Variants in SHANK2 observed in about 807,000 individuals in gnomAD.
The protein encoded by SHANK2 is SH3 and multiple ankyrin repeat domains 2.
In SHANK2, 43 loss-of-function variants were observed where a neutral mutation model predicts 133.7. The observed-to-expected ratio is 0.32, with a 90% CI of 0.25 to 0.41. SHANK2 has a LOEUF of 0.41. Among genes scored for constraint, SHANK2 ranks in the 10% least tolerant of loss-of-function variants. The probability of loss-of-function intolerance (pLI) is 1.00; values close to 1 mark genes in which losing one functional copy is unlikely to be tolerated. For synonymous variants in SHANK2, 1,017 were observed against 952.8 expected, an observed-to-expected ratio of 1.07 and a Z score of -1.24; for missense variants, 1,994 against 2,235.8, an observed-to-expected ratio of 0.89 and a Z score of 2.18.
intron 2 of SHANK2, among the ~76,000 whole-genome samples, chr11:71,190,214 C>T (rs1054523533): frequency 3.9e-5 from 6 of 152,246 alleles, no homozygotes; most frequent in Non-Finnish European, 8.8e-5. Context: ...TCCAAGCTGG[C>T]CTTGGACTAG....
intron 11 of SHANK2, among the ~76,000 whole-genome samples, chr11:70,838,627 G>T (rs1948858977): frequency 6.6e-6 from 1 of 152,060 alleles, no homozygotes; most frequent in African/African-American, 2.4e-5. Flanking sequence ...CTAACATGCT[G>T]GGACTCAATT....
chr11:70,855,515 T>C (rs1949155457), intron 11 of SHANK2, among the ~76,000 whole-genome samples: 3 of 152,238 alleles, frequency 2.0e-5, no homozygotes, highest in Admixed American at 2.0e-4. Context: ...CCCAATGTTA[T>C]AGCTCTGACC....
intron 3 of SHANK2, among the ~76,000 whole-genome samples, chr11:71,131,982 G>A (rs77316671): frequency 0.029 from 4,469 of 152,268 alleles, 201 homozygotes; most frequent in African/African-American, 0.098. Flanking sequence ...CCCCGAGGCC[G>A]AGCTAATGAG....
intron 15 of SHANK2, among the ~76,000 whole-genome samples, chr11:70,682,230 A>G (rs1945044978): frequency 6.6e-6 from 1 of 152,186 alleles, no homozygotes; most frequent in Admixed American, 6.5e-5. Context: ...TCCAGGGGAC[A>G]TGCTGGGTCC....
At chr11:71,148,170 C>T (rs1218603036) in intron 2 of SHANK2, among the ~76,000 whole-genome samples, 14 of 152,014 alleles carry the variant, frequency 9.2e-5, no homozygotes, top group African/African-American at 2.7e-4. Context: ...CCGCAACCTC[C>T]GCCTCCCGGG....
At chr11:70,954,690 C>T (rs1016535934) in intron 10 of SHANK2, among the ~76,000 whole-genome samples, 3 of 152,224 alleles carry the variant, frequency 2.0e-5, no homozygotes, top group Non-Finnish European at 2.9e-5. Context: ...GAACCATTGC[C>T]AACGGCATTC....
chr11:70,791,143 G>A (rs1260223239), intron 14 of SHANK2, among the ~76,000 whole-genome samples: 1 of 152,164 alleles, frequency 6.6e-6, no homozygotes, highest in African/African-American at 2.4e-5. Flanking sequence ...AATACAAATG[G>A]GTGGAAAGCT....
At chr11:70,812,231 A>G (rs1392902374) in intron 12 of SHANK2, among the ~76,000 whole-genome samples, 1 of 152,190 alleles carries the variant, frequency 6.6e-6, no homozygotes, top group Non-Finnish European at 1.5e-5. Flanking sequence ...CAGTTCCCTA[A>G]CCCATCAACC....
intron 14 of SHANK2, among the ~76,000 whole-genome samples, chr11:70,756,115 C>A (rs560718963): frequency 2.6e-5 from 4 of 152,106 alleles, no homozygotes; most frequent in African/African-American, 4.8e-5. Flanking sequence ...CTGCAGCCCC[C>A]GTGCGAGCAG....
Position 70,714,969 on chromosome 11 carries a change from C to CTA in SHANK2, c.1778-16207_1778-16206insTA, listed in dbSNP as rs1945876314. 2.1e-5 allele frequency among the ~76,000 whole-genome samples: 3 copies of CTA among 142,748 alleles called. No homozygotes were observed. The Admixed American group carries it at 2.1e-4, about 10-fold the overall frequency. 93.6% of individuals were successfully genotyped at this position (142,748 alleles called of 152,430 possible). A position where few individuals can be genotyped will look rare whatever the true frequency, so the allele number is the denominator to read the frequency against. ...TATAGGTGTGCACCACCACACTTGG[C>CTA]TTTTTTTTTTTTTACTTTCTGTAGA... On this transcript the variant is annotated intron_variant, in intron 14 of 25. Transcript: ENST00000601538.
chr11:71,086,361 TTA>T (rs1951415895), intron 8 of SHANK2, among the ~76,000 whole-genome samples: 1 of 126,924 alleles, frequency 7.9e-6, no homozygotes, highest in Non-Finnish European at 1.5e-5. Flanking sequence ...ATATGTTATA[TTA>T]TATATGATAT....
intron 15 of SHANK2, among the ~76,000 whole-genome samples, chr11:70,672,758 C>A (rs762479084): frequency 2.0e-5 from 3 of 152,234 alleles, no homozygotes; most frequent in Non-Finnish European, 4.4e-5. Context: ...CCCAGTAGCA[C>A]ATGAGTGCCC....
intron 17 of SHANK2, among the ~76,000 whole-genome samples, chr11:70,636,494 CAT>C (rs1305615059): frequency 4.3e-5 from 6 of 140,516 alleles, no homozygotes; most frequent in African/African-American, 1.6e-4. Context: ...CGTGTGTGAA[CAT>C]ATGTACGAGG....
chr11:70,693,468 ACTT>A (rs1945331406), intron 15 of SHANK2, among the ~76,000 whole-genome samples: 1 of 152,000 alleles, frequency 6.6e-6, no homozygotes, highest in Non-Finnish European at 1.5e-5. Flanking sequence ...CTCAAAAGTC[ACTT>A]CTTCAGGGAG....
chr11:70,712,797 C>T (rs539553490), intron 14 of SHANK2, among the ~76,000 whole-genome samples: 63 of 152,332 alleles, frequency 4.1e-4, no homozygotes, highest in South Asian at 1.0e-3. Context: ...CAGGGGGCCA[C>T]GCTCCCCTTC....
chr11:70,820,494 T>C lies in SHANK2; in HGVS notation c.1363A>G (p.Ser455Gly), dbSNP rs1282503284. The C allele has an allele frequency of 2.8e-6, 2 of 716,876 alleles. No individual in the cohort carries two copies. Among genetic ancestry groups the C allele is most frequent in the Admixed American group, 4.0e-5 (2 of 49,988 alleles). The allele number at this position is 716,876 out of a possible 1,614,324, so 44.4% of individuals were successfully genotyped here. A position where few individuals can be genotyped will look rare whatever the true frequency, so the allele number is the denominator to read the frequency against. ...LSPQLLQQMP[S>G]KPEGAAKTIG... ...GTCTTCGCGGCCCCCTCGGGCTTGC[T>C]GGGCATCTGCTGCAGCAGCTGGGGT... Residue 455 changes from serine to glycine, a missense_variant, in exon 12 of 26, where the codon AGC becomes GGC. Physicochemically the swap from Ser to Gly is moderately conservative, Grantham distance 56. Transcript: ENST00000601538.
In SHANK2 at chr11:70,784,343, GTTTTTTTTTTTT is replaced by G. The variant is rs71049942; in HGVS notation, c.1777+14088_1777+14099del. Among the ~76,000 whole-genome samples the G allele has an allele frequency of 8.6e-4, 37 of 42,860 alleles. 2 individuals are homozygous for G. The highest frequency in any genetic ancestry group is 0.056 in the Middle Eastern group (2 of 36). The allele number at this position is 42,860 out of a possible 152,430, so 28.1% of individuals were successfully genotyped here. On this transcript the variant is annotated intron_variant, in intron 14 of 25. Coordinates refer to ENST00000601538, the MANE Select transcript of SHANK2 (RefSeq NM_012309.5). ...AGGGCGTGCGCCACCACACCGGCTA[GTTTTTTTTTTTT>G]TTTTTTTTTTTTTTTTTTTTAAGTA...
At chr11:70,790,089 G>A (rs1246917777) in intron 14 of SHANK2, among the ~76,000 whole-genome samples, 1 of 152,312 alleles carries the variant, frequency 6.6e-6, no homozygotes, top group African/African-American at 2.4e-5. Flanking sequence ...TGATTACTTC[G>A]GAAATATTTT....
chr11:70,636,014 C>T (rs1427439991), intron 17 of SHANK2, among the ~76,000 whole-genome samples: 3 of 152,246 alleles, frequency 2.0e-5, no homozygotes, highest in South Asian at 2.1e-4. Context: ...CCAGGTGGGG[C>T]CTTGCACTCA....
Sources: allele counts gnomAD v4.1 joint callset (sites outside exome capture counted in the v4.1 genomes callset), GRCh38; gene constraint gnomAD v4.1.1; transcripts MANE v1.5; gene names NCBI Gene and HGNC (gene_info 2026-07-23, HGNC 2026-07-21).